BACH2: variants seen among roughly 807,000 people sequenced by gnomAD.
BACH2 encodes transcription regulator protein BACH2.
BACH2 carries 5 observed loss-of-function variants against 61.8 expected under a neutral mutation model. That is an observed-to-expected ratio of 0.08 (90% CI 0.04 to 0.17). The LOEUF (loss-of-function observed/expected upper bound fraction) is 0.17. Ranked by LOEUF, BACH2 falls within the 10% of genes least tolerant of loss-of-function variation. The pLI is 1.00. For synonymous variants in BACH2, 446 were observed against 440.1 expected (o/e 1.01, Z -0.17); for missense variants, 824 against 1,091.1 (o/e 0.76, Z 3.45).
chr6:90,288,433 T>C (rs547087453), intron 1 of BACH2, among the ~76,000 whole-genome samples: 6 of 152,254 alleles, frequency 3.9e-5, no homozygotes, highest in East Asian at 3.9e-4. Context: ...TTCATACACT[T>C]GATCATTTCC....
chr6:89,961,509 G>A (rs1287519486), intron 6 of BACH2, among the ~76,000 whole-genome samples: 1 of 152,136 alleles, frequency 6.6e-6, no homozygotes, highest in East Asian at 1.9e-4. Flanking sequence ...GATTTTCCTA[G>A]GCGAGAATTT....
At chr6:90,041,206 A>G (rs2127791196) in intron 5 of BACH2, among the ~76,000 whole-genome samples, 3 of 152,292 alleles carry the variant, frequency 2.0e-5, no homozygotes, top group Admixed American at 2.0e-4. Context: ...ACACCCAGTA[A>G]TGGGACTGCT....
intron 3 of BACH2, among the ~76,000 whole-genome samples, chr6:90,251,060 T>C (rs1040049699): frequency 1.3e-5 from 2 of 152,148 alleles, no homozygotes; most frequent in Non-Finnish European, 2.9e-5. Context: ...CCTAACTCCA[T>C]ACAAAAAGTT....
chr6:89,985,198 A>G (rs1237945089), intron 6 of BACH2, among the ~76,000 whole-genome samples: 1 of 152,228 alleles, frequency 6.6e-6, no homozygotes, highest in Non-Finnish European at 1.5e-5. Flanking sequence ...TCCTGGGGCT[A>G]GTGAGAATTA....
chr6:90,105,406 C>T (rs563753627), intron 4 of BACH2, among the ~76,000 whole-genome samples: 2 of 152,338 alleles, frequency 1.3e-5, no homozygotes, highest in South Asian at 4.1e-4. Context: ...CTAACACTTT[C>T]ATCTCTTGTG....
chr6:89,967,996 T>C (rs1775138598), intron 6 of BACH2, among the ~76,000 whole-genome samples: 1 of 152,238 alleles, frequency 6.6e-6, no homozygotes, highest in Non-Finnish European at 1.5e-5. Context: ...TACTCCCTTT[T>C]CAGTCTCATC....
At chr6:90,154,549 T>G (rs1784928979) in intron 4 of BACH2, among the ~76,000 whole-genome samples, 1 of 152,092 alleles carries the variant, frequency 6.6e-6, no homozygotes, top group South Asian at 2.1e-4. Flanking sequence ...TAATGAGTGG[T>G]AGGTTCAGAA....
In BACH2 at chr6:90,211,588, C is replaced by CTGTGTGTGTG. The variant is rs3072674; in HGVS notation, c.-274-4917_-274-4908dup. Among the ~76,000 whole-genome samples, 681 of 144,130 alleles carry CTGTGTGTGTG rather than the reference C, an allele frequency of 4.7e-3. 5 individuals carry two copies. Among genetic ancestry groups the CTGTGTGTGTG allele is most frequent in the Middle Eastern group, 6.9e-3 (2 of 290 alleles). The allele number at this position is 144,130 out of a possible 152,430, so 94.6% of individuals were successfully genotyped here. ...AAGAGAAGCTTAAAAGTGTCAAGGGCTGTGTGTGTGTGTGTGTGTGTGTGT... is the reference window on the plus strand; with the variant it reads ...AAGAGAAGCTTAAAAGTGTCAAGGGCTGTGTGTGTGTGTGTGTGTGTGTGTGTGTGTGTGT... On this transcript the variant is annotated intron_variant, in intron 3 of 8. Coordinates refer to ENST00000257749, the MANE Select transcript of BACH2 (RefSeq NM_021813.4).
chr6:89,952,118 T>G (rs1774165724), intron 6 of BACH2: 2 of 525,908 alleles, frequency 3.8e-6, no homozygotes, highest in Admixed American at 3.3e-5. Context: ...CTAAACAAGA[T>G]GACAACGGGT....
chr6:90,169,481 A>G (rs1767742190), intron 4 of BACH2, among the ~76,000 whole-genome samples: 1 of 152,188 alleles, frequency 6.6e-6, no homozygotes, highest in African/African-American at 2.4e-5. Context: ...TCAGGACACT[A>G]ACCCAGACAT....
chr6:90,115,487 A>G (rs1783359255), intron 4 of BACH2, among the ~76,000 whole-genome samples: 1 of 152,130 alleles, frequency 6.6e-6, no homozygotes, highest in Admixed American at 6.5e-5. Context: ...TTGAAGCTGG[A>G]CCCCTTTTTT....
chr6:90,203,685 A>AC (rs1769037097), intron 4 of BACH2, among the ~76,000 whole-genome samples: 1 of 152,078 alleles, frequency 6.6e-6, no homozygotes, highest in African/African-American at 2.4e-5. Context: ...CTCTGTGTAA[A>AC]CCCATGAGTT....
At chr6:90,279,361 A>G (rs1274838976) in intron 1 of BACH2, among the ~76,000 whole-genome samples, 1 of 151,982 alleles carries the variant, frequency 6.6e-6, no homozygotes, top group Non-Finnish European at 1.5e-5. Flanking sequence ...CGTCTCTACT[A>G]AAAATACAAA....
At chr6:89,997,216 G>A (rs528860300) in intron 6 of BACH2, among the ~76,000 whole-genome samples, 2 of 152,132 alleles carry the variant, frequency 1.3e-5, no homozygotes, top group Non-Finnish European at 2.9e-5. Context: ...TTAAATAGGA[G>A]GAATGGAAAG....
At chr6:90,078,755 C>T (rs1424431076) in intron 5 of BACH2, among the ~76,000 whole-genome samples, 1 of 152,130 alleles carries the variant, frequency 6.6e-6, no homozygotes, top group Non-Finnish European at 1.5e-5. Flanking sequence ...AATAAAGACA[C>T]CCAGGCCTAG....
chr6:90,167,039 T>G (rs945026752), intron 4 of BACH2, among the ~76,000 whole-genome samples: 1 of 152,164 alleles, frequency 6.6e-6, no homozygotes. Flanking sequence ...ACATGTACCC[T>G]AAAACTTAAA....
intron 4 of BACH2, among the ~76,000 whole-genome samples, chr6:90,192,549 G>A (rs917447245): frequency 2.0e-5 from 3 of 152,110 alleles, no homozygotes; most frequent in Admixed American, 6.5e-5. Flanking sequence ...TTATACAACC[G>A]TCTTCTGCAC....
In BACH2 at chr6:89,929,948, G is replaced by A. The variant is rs545033500; in HGVS notation, c.*2460C>T. On this transcript the variant is annotated 3_prime_UTR_variant, in exon 9 of 9. Transcript: ENST00000257749. The stretch of plus-strand genomic sequence containing the variant: ...TGACTCCACTGTAACACACGCCTGC[G>A]AAGTATCACGTGATTCACATTGAGT... 2 of 152,380 alleles carry A rather than the reference G, an allele frequency of 1.3e-5. No individual in the cohort carries two copies. Among genetic ancestry groups the A allele is most frequent in the Admixed American group, 1.3e-4 (2 of 15,294 alleles). 9.4% of individuals were successfully genotyped at this position (152,380 alleles called of 1,614,324 possible). A position where few individuals can be genotyped will look rare whatever the true frequency, so the allele number is the denominator to read the frequency against.
intron 5 of BACH2, among the ~76,000 whole-genome samples, chr6:90,020,035 C>T (rs1020659812): frequency 6.6e-6 from 1 of 152,166 alleles, no homozygotes; most frequent in Non-Finnish European, 1.5e-5. Context: ...ATATCACTTT[C>T]GTGGAGCTGT....
Sources: gnomAD v4.1 joint callset for allele counts (sites outside exome capture counted in the v4.1 genomes callset) on GRCh38, gnomAD v4.1.1 for gene constraint, MANE v1.5 for transcripts, NCBI Gene and HGNC (gene_info 2026-07-23, HGNC 2026-07-21) for gene names.